Variants in CSMD1 observed in about 807,000 individuals in gnomAD.
CSMD1 encodes the protein CUB and Sushi multiple domains 1.
In CSMD1, 213 loss-of-function variants were observed where a neutral mutation model predicts 417.5. The ratio of observed to expected loss-of-function variants is 0.51; its 90% CI spans 0.46 to 0.57. The LOEUF (loss-of-function observed/expected upper bound fraction) is 0.57. Ranked by LOEUF, CSMD1 falls within the 20% of genes least tolerant of loss-of-function variation. The pLI, the probability that CSMD1 is intolerant of heterozygous loss-of-function variation, is 0.00. For missense variants in CSMD1, 6,923 were observed against 4,529.7 expected (o/e 1.53, Z -15.17); for synonymous variants, 2,862 against 1,736.8 (o/e 1.65, Z -16.11).
intron 9 of CSMD1, among the ~76,000 whole-genome samples, chr8:3,582,052 C>T (rs372649063): frequency 6.6e-6 from 1 of 152,140 alleles, no homozygotes; most frequent in Non-Finnish European, 1.5e-5. Context: ...GCCTTGGCCT[C>T]CCAAAGGGCT....
At chr8:4,340,090 A>C (rs1800390942) in intron 3 of CSMD1, among the ~76,000 whole-genome samples, 1 of 152,114 alleles carries the variant, frequency 6.6e-6, no homozygotes. Context: ...GTATTAGAGA[A>C]ATTAGAGTTA....
intron 12 of CSMD1, among the ~76,000 whole-genome samples, chr8:3,443,340 G>C (rs148398617): frequency 7.7e-4 from 115 of 150,222 alleles, no homozygotes; most frequent in African/African-American, 2.9e-3. Context: ...AGAGGAGAGA[G>C]AGAGAAAGAG....
intron 2 of CSMD1, among the ~76,000 whole-genome samples, chr8:4,462,436 T>G (rs937808917): frequency 3.9e-5 from 6 of 152,096 alleles, no homozygotes; most frequent in Non-Finnish European, 2.9e-5. Flanking sequence ...GATTAGCAAA[T>G]TTAACATAAT....
intron 47 of CSMD1, among the ~76,000 whole-genome samples, chr8:3,093,575 G>A (rs1229514131): frequency 1.3e-5 from 2 of 152,112 alleles, no homozygotes; most frequent in African/African-American, 2.4e-5. Context: ...GGCTGAGGCA[G>A]GAAAATTGCT....
At chr8:3,019,965 C>T (rs962695455) in intron 51 of CSMD1, among the ~76,000 whole-genome samples, 10 of 152,238 alleles carry the variant, frequency 6.6e-5, no homozygotes, top group Admixed American at 5.2e-4. Context: ...TAGGTGAGCA[C>T]TGATGTGCAG....
chr8:4,304,050 G>A (rs562388798), intron 3 of CSMD1, among the ~76,000 whole-genome samples: 1 of 152,274 alleles, frequency 6.6e-6, no homozygotes, highest in East Asian at 1.9e-4. Flanking sequence ...GAGAGAACCA[G>A]GGGATCACAA....
chr8:4,955,184 T>C (rs1308711942), intron 1 of CSMD1, among the ~76,000 whole-genome samples: 1 of 152,166 alleles, frequency 6.6e-6, no homozygotes, highest in Non-Finnish European at 1.5e-5. Flanking sequence ...TACGGGGCTG[T>C]TCCCGTTGGC....
chr8:4,045,020 A>C (rs536821944), intron 3 of CSMD1, among the ~76,000 whole-genome samples: 2 of 152,226 alleles, frequency 1.3e-5, no homozygotes, highest in Non-Finnish European at 2.9e-5. Context: ...GTTATGCCTG[A>C]ATCTTCCAGT....
intron 1 of CSMD1, among the ~76,000 whole-genome samples, chr8:4,977,034 T>C (rs1663573757): frequency 6.6e-6 from 1 of 152,202 alleles, no homozygotes; most frequent in African/African-American, 2.4e-5. Flanking sequence ...TATTATGTGT[T>C]GGCAAAATGC....
intron 3 of CSMD1, among the ~76,000 whole-genome samples, chr8:4,396,693 C>T (rs182636523): frequency 1.3e-5 from 2 of 151,978 alleles, no homozygotes; most frequent in African/African-American, 2.4e-5. Flanking sequence ...GAATACCGAT[C>T]AGCCATAAAA....
chr8:4,373,980 A>C (rs1277462705), intron 3 of CSMD1, among the ~76,000 whole-genome samples: 1 of 152,212 alleles, frequency 6.6e-6, no homozygotes, highest in Non-Finnish European at 1.5e-5. Flanking sequence ...TATACCATTA[A>C]CGGAAAAGCC....
At position 4,433,660 on chromosome 8, in the gene CSMD1, G is replaced by C. The variant is rs78681472; in HGVS notation, c.303-13595C>G. ...CTCAAATCTGCCCTTGTCTGAAAGA[G>C]CTACACTCTCCCACTTGCAGTCATT... On this transcript the variant is annotated intron_variant, in intron 2 of 69. Transcript: ENST00000635120. 4.1e-3 allele frequency among the ~76,000 whole-genome samples: 627 copies of C among 152,254 alleles called. 8 individuals carry two copies. The highest frequency in any genetic ancestry group is 0.014 in the African/African-American group (583 of 41,562).
chr8:3,818,405 A>T (rs1050503421), intron 5 of CSMD1, among the ~76,000 whole-genome samples: 2 of 152,220 alleles, frequency 1.3e-5, no homozygotes, highest in Non-Finnish European at 2.9e-5. Context: ...TGAGTTTCAG[A>T]AAACAGCACC....
At chr8:3,351,655 C>G (rs984897138) in intron 21 of CSMD1, among the ~76,000 whole-genome samples, 1 of 146,792 alleles carries the variant, frequency 6.8e-6, no homozygotes, top group Non-Finnish European at 1.5e-5. Context: ...GGCTTGTTAA[C>G]TAGAAAAATT....
rs117032159 is a variant in CSMD1, at chr8:4,736,315, G to A, written c.86-98757C>T. ...TTGTGTATCCAGGAAAATTTAGGTA[G>A]TTGATTATTCTTGGAGATATTCAGA... On this transcript the variant is annotated intron_variant, in intron 1 of 69. Coordinates refer to ENST00000635120, the MANE Select transcript of CSMD1 (RefSeq NM_033225.6). Among the ~76,000 whole-genome samples the A allele has an allele frequency of 8.5e-4, 129 of 152,278 alleles. 1 individual carries two copies. In the East Asian group the frequency reaches 0.022, roughly 25 times the overall value.
intron 5 of CSMD1, among the ~76,000 whole-genome samples, chr8:3,936,756 C>T (rs372381860): frequency 1.4e-4 from 22 of 152,244 alleles, no homozygotes; most frequent in African/African-American, 4.8e-4. Flanking sequence ...CATTCTGCAG[C>T]CCAAGAAACA....
intron 3 of CSMD1, among the ~76,000 whole-genome samples, chr8:4,167,870 G>A (rs1006766377): frequency 6.6e-6 from 1 of 152,098 alleles, no homozygotes; most frequent in African/African-American, 2.4e-5. Context: ...GCTTAGGCCT[G>A]TAATCTCAGC....
chr8:3,242,273 G>C (rs1390583048), intron 26 of CSMD1, among the ~76,000 whole-genome samples: 1 of 151,332 alleles, frequency 6.6e-6, no homozygotes, highest in Non-Finnish European at 1.5e-5. Flanking sequence ...GAAGATTTGG[G>C]ACCTAGCTCG....
At chr8:4,962,187 GCTTTT>G (rs752865626) in intron 1 of CSMD1, among the ~76,000 whole-genome samples, 71 of 98,370 alleles carry the variant, frequency 7.2e-4, no homozygotes, top group South Asian at 3.6e-3. Flanking sequence ...GTAAATTTCT[GCTTTT>G]TTTTTAAAAA....
Sources: allele counts gnomAD v4.1 joint callset (sites outside exome capture counted in the v4.1 genomes callset), GRCh38; gene constraint gnomAD v4.1.1; transcripts MANE v1.5; gene names NCBI Gene and HGNC (gene_info 2026-07-23, HGNC 2026-07-21).